GFOD2: variants seen among roughly 807,000 people sequenced by gnomAD.
GFOD2 encodes Gfo/Idh/MocA-like oxidoreductase domain containing 2, also known as glucose-fructose oxidoreductase domain-containing protein 2.
A neutral mutation model predicts 24.6 loss-of-function variants in GFOD2; 9 were observed. The observed-to-expected ratio is 0.37, with a 90% CI of 0.22 to 0.64. The LOEUF is 0.64. Among genes scored for constraint, GFOD2 ranks in the 30% least tolerant of loss-of-function variants. The probability of loss-of-function intolerance (pLI) is 0.65; values close to 1 mark genes in which losing one functional copy is unlikely to be tolerated. For missense variants in GFOD2, 476 were observed against 532.5 expected (o/e 0.89, Z 1.04); for synonymous variants, 211 against 224.8 (o/e 0.94, Z 0.55).
In GFOD2 at chr16:67,707,770, C is replaced by T. The variant is rs150121105; in HGVS notation, c.-88+11393G>A. Among the ~76,000 whole-genome samples the T allele has an allele frequency of 5.9e-3, 891 of 152,202 alleles. 6 individuals are homozygous for T. The highest frequency in any genetic ancestry group is 0.02 in the African/African-American group (833 of 41,522). ...CTCACTGTGTTGCCCAGGCTGGTCTCAACCTGCTGGCCTCAAGTGATCCCC... is the reference window on the plus strand; with the variant it reads ...CTCACTGTGTTGCCCAGGCTGGTCTTAACCTGCTGGCCTCAAGTGATCCCC... On this transcript the variant is annotated intron_variant, in intron 1 of 2. Coordinates refer to ENST00000268797, the MANE Select transcript of GFOD2 (RefSeq NM_030819.4).
intron 1 of GFOD2, among the ~76,000 whole-genome samples, chr16:67,695,653 A>G (rs764245847): frequency 2.0e-5 from 3 of 149,402 alleles, no homozygotes; most frequent in Admixed American, 6.8e-5. Flanking sequence ...CTCCTGTCTC[A>G]GCCTCCCGAG....
intron 1 of GFOD2, among the ~76,000 whole-genome samples, chr16:67,698,090 C>T (rs2053371030): frequency 6.6e-6 from 1 of 152,166 alleles, no homozygotes; most frequent in Non-Finnish European, 1.5e-5. Context: ...TGAGTCCAGC[C>T]AAGGGAAAGA....
chr16:67,718,181 T>C (rs2053520008), intron 1 of GFOD2, among the ~76,000 whole-genome samples: 1 of 152,212 alleles, frequency 6.6e-6, no homozygotes, highest in Non-Finnish European at 1.5e-5. Flanking sequence ...CTAAATTAAA[T>C]GCTGTTCCCT....
chr16:67,683,458 C>A, intron 2 of GFOD2: 1 of 1,231,184 alleles, frequency 8.1e-7, no homozygotes, highest in Non-Finnish European at 1.0e-6. Context: ...CTTGAACCAA[C>A]TTGCTGCTAA....
At chr16:67,705,260 T>C (rs1445949189) in intron 1 of GFOD2, among the ~76,000 whole-genome samples, 1 of 152,164 alleles carries the variant, frequency 6.6e-6, no homozygotes, top group Non-Finnish European at 1.5e-5. Context: ...CAGGCTGGAG[T>C]GCAGTGGCAT....
At chr16:67,702,938 C>G (rs1031399303) in intron 1 of GFOD2, among the ~76,000 whole-genome samples, 1 of 152,094 alleles carries the variant, frequency 6.6e-6, no homozygotes, top group African/African-American at 2.4e-5. Flanking sequence ...ACCCACCTCA[C>G]TGTGTGTGAG....
chr16:67,675,530 G>A lies in GFOD2; in HGVS notation c.783C>T (p.Val261=), dbSNP rs779820771. The change falls in exon 3 of 3, where the codon GTC becomes GTT. Residue 261 remains valine (V), a synonymous_variant. Transcript: ENST00000268797. ...VMVVGSAGRL[V]ARGADLYGQK... is the part of the protein sequence containing the mutation. Reference sequence around the variant, plus strand: ...GCCCATAGAGGTCGGCTCCCCGGGCGACGAGGCGTCCTGCAGAGCCTACCA... The same window carrying A: ...GCCCATAGAGGTCGGCTCCCCGGGCAACGAGGCGTCCTGCAGAGCCTACCA... 1.6e-5 allele frequency: 25 copies of A among 1,612,896 alleles called. No homozygotes were observed. The highest frequency in any genetic ancestry group is 6.7e-5 in the African/African-American group (5 of 75,074).
chr16:67,687,150 A>G (rs2053273156), intron 1 of GFOD2, among the ~76,000 whole-genome samples: 1 of 150,588 alleles, frequency 6.6e-6, no homozygotes, highest in African/African-American at 2.4e-5. Flanking sequence ...TCCGTCACAA[A>G]AAAAAAAAAA....
intron 1 of GFOD2, 115 bp from the exon 2 acceptor site, chr16:67,685,917 G>T (rs2053263101): frequency 1.0e-5 from 6 of 578,848 alleles, no homozygotes; most frequent in African/African-American, 1.9e-5. Context: ...GTGCAGTGGT[G>T]CGAAGGCTAC....
At chr16:67,704,120 T>C (rs992437312) in intron 1 of GFOD2, among the ~76,000 whole-genome samples, 3 of 152,222 alleles carry the variant, frequency 2.0e-5, no homozygotes, top group South Asian at 2.1e-4. Flanking sequence ...TGCTTCTACA[T>C]TTTACTATGT....
At chr16:67,682,814 A>T (rs188344638) in intron 2 of GFOD2, 9 of 985,424 alleles carry the variant, frequency 9.1e-6, no homozygotes, top group Admixed American at 1.2e-4. Context: ...TCATTCCTTA[A>T]TGCTCCTGGG....
chr16:67,681,275 G>A (rs981632666), intron 2 of GFOD2: 3 of 985,448 alleles, frequency 3.0e-6, no homozygotes, highest in Non-Finnish European at 3.6e-6. Context: ...TGCAGTGTGA[G>A]GCAGAGAGGA....
chr16:67,683,194 A>G (rs909828237), intron 2 of GFOD2: 2 of 1,012,876 alleles, frequency 2.0e-6, no homozygotes, highest in African/African-American at 1.7e-5. Context: ...GTTTCTAACA[A>G]GCTCCCAGGT....
At chr16:67,689,844 C>T (rs571003488) in intron 1 of GFOD2, among the ~76,000 whole-genome samples, 1 of 152,232 alleles carries the variant, frequency 6.6e-6, no homozygotes, top group South Asian at 2.1e-4. Context: ...ATTCCCACTA[C>T]CCCCGCCCCA....
intron 1 of GFOD2, among the ~76,000 whole-genome samples, chr16:67,701,036 C>CA (rs1196263484): frequency 0.14 from 9,553 of 68,134 alleles, 584 homozygotes; most frequent in Middle Eastern, 0.29. Context: ...GACTCTGTCT[C>CA]AAAAAAAAAA....
intron 1 of GFOD2, among the ~76,000 whole-genome samples, chr16:67,711,842 A>G (rs2053476028): frequency 6.6e-6 from 1 of 152,158 alleles, no homozygotes; most frequent in African/African-American, 2.4e-5. Context: ...TCTACCTTCA[A>G]AATATACCCT....
chr16:67,692,632 C>T (rs1403313904), intron 1 of GFOD2, among the ~76,000 whole-genome samples: 2 of 150,452 alleles, frequency 1.3e-5, no homozygotes, highest in African/African-American at 2.5e-5. Flanking sequence ...AACAAAAATG[C>T]TTCATAGGAA....
At chr16:67,700,193 G>C (rs2053391463) in intron 1 of GFOD2, among the ~76,000 whole-genome samples, 1 of 152,182 alleles carries the variant, frequency 6.6e-6, no homozygotes, top group Middle Eastern at 3.4e-3. Context: ...GGGCAACAAG[G>C]TAAAACCCCA....
chr16:67,687,674 A>G (rs1403273321), intron 1 of GFOD2, among the ~76,000 whole-genome samples: 2 of 151,452 alleles, frequency 1.3e-5, no homozygotes, highest in East Asian at 3.8e-4. Flanking sequence ...AAAGAAAAAA[A>G]AAAGATTTTA....
Sources: gnomAD v4.1 joint callset for allele counts (sites outside exome capture counted in the v4.1 genomes callset) on GRCh38, gnomAD v4.1.1 for gene constraint, MANE v1.5 for transcripts, NCBI Gene and HGNC (gene_info 2026-07-23, HGNC 2026-07-21) for gene names.